NAXD: variants seen among roughly 807,000 people sequenced by gnomAD.
NAXD encodes NAD(P)HX dehydratase.
A neutral mutation model predicts 35.8 loss-of-function variants in NAXD; 22 were observed. The observed-to-expected ratio is 0.62, with a 90% confidence interval of 0.44 to 0.88. The LOEUF (loss-of-function observed/expected upper bound fraction) is 0.88. NAXD is among the 40% of genes least tolerant of loss of function. The pLI, the probability that NAXD is intolerant of heterozygous loss-of-function variation, is 0.00. For missense variants in NAXD, 428 were observed against 437.7 expected (o/e 0.98, Z 0.20); for synonymous variants, 189 against 177.6 (o/e 1.06, Z -0.51).
rs1330064956 is a variant in NAXD, at chr13:110,638,134, G to A, written c.840-244G>A. 10 of 1,134,484 alleles carry A rather than the reference G, an allele frequency of 8.8e-6. No individual in the cohort carries two copies. The highest frequency in any genetic ancestry group is 1.6e-5 in the African/African-American group (1 of 64,400). 70.3% of individuals were successfully genotyped at this position (1,134,484 alleles called of 1,614,324 possible). The stretch of plus-strand genomic sequence containing the variant: ...AACACCTGGCCCACTGTGTGCCCTA[G>A]CCCTGGACCTGTCTCCGAGTACATA... On this transcript the variant is annotated intron_variant, in intron 9 of 9. Transcript: ENST00000680254. The surrounding 1 kb of genome is among the most constrained non-coding windows in gnomAD (Gnocchi z 5.4).
intron 5 of NAXD, 42 bp downstream of exon 5, chr13:110,627,589 C>A: frequency 7.1e-7 from 1 of 1,399,972 alleles, no homozygotes; most frequent in Non-Finnish European, 1.0e-6. Context: ...ACAGGCTTAG[C>A]CTTAGGCGTG....
intron 1 of NAXD, 113 bp from the exon 2 acceptor site, chr13:110,622,103 A>G: frequency 1.2e-6 from 1 of 848,140 alleles, no homozygotes; most frequent in Non-Finnish European, 1.7e-6. Flanking sequence ...TCCATTGGGT[A>G]AAAATCTATA....
In NAXD at chr13:110,616,735, A is replaced by T. The variant is rs191047318; in HGVS notation, c.46+1088A>T. On this transcript the variant is annotated intron_variant, in intron 1 of 9. Transcript: ENST00000680254. ...TTTCTCATAAGGAGAGATTGCTGTT[A>T]TCCACCTTGGTATAGAAGATAAATA... Among the ~76,000 whole-genome samples, 13 of 152,342 alleles carry T rather than the reference A, an allele frequency of 8.5e-5. No individual in the cohort carries two copies. In the East Asian group the frequency reaches 2.1e-3, roughly 25 times the overall value.
chr13:110,633,758 GTT>G (rs11313823), intron 5 of NAXD, among the ~76,000 whole-genome samples: 13 of 147,986 alleles, frequency 8.8e-5, no homozygotes, highest in Admixed American at 2.7e-4. Flanking sequence ...TATACATGTA[GTT>G]TTTTTTTTTT....
chr13:110,637,710 G>C, intron 9 of NAXD: 2 of 457,936 alleles, frequency 4.4e-6, no homozygotes, highest in Non-Finnish European at 8.8e-6. Context: ...ATGAATGCAA[G>C]CAGTTCCCAT....
chr13:110,637,356 C>T, intron 9 of NAXD, 107 bp downstream of exon 9: 1 of 1,308,888 alleles, frequency 7.6e-7, no homozygotes, highest in South Asian at 1.2e-5. Flanking sequence ...TGACAATGAA[C>T]TCTAGGCTTC....
rs1158313538 is a variant in NAXD, at chr13:110,628,776, A to C, written c.441+1229A>C. Among the ~76,000 whole-genome samples the C allele has an allele frequency of 6.6e-6, 1 of 152,146 alleles. No individual in the cohort carries two copies. Among genetic ancestry groups the C allele is most frequent in the Non-Finnish European group, 1.5e-5 (1 of 68,012 alleles). Reference sequence around the variant, plus strand: ...GCTCTCAATGGGGAGTCCCATCTGCAGGCTGCGGGTCTGCGGTGCACGGCT... The same window carrying C: ...GCTCTCAATGGGGAGTCCCATCTGCCGGCTGCGGGTCTGCGGTGCACGGCT... On this transcript the variant is annotated intron_variant, in intron 5 of 9. Coordinates refer to ENST00000680254, the MANE Select transcript of NAXD (RefSeq NM_001242882.2). The surrounding 1 kb of genome is among the most constrained non-coding windows in gnomAD (Gnocchi z 4.1).
At chr13:110,617,378 GGATA>G (rs1886099132) in intron 1 of NAXD, among the ~76,000 whole-genome samples, 1 of 152,066 alleles carries the variant, frequency 6.6e-6, no homozygotes, top group Non-Finnish European at 1.5e-5. Flanking sequence ...TTACCGAATG[GGATA>G]CATCTTAAGT....
rs145338095 is a variant in NAXD at position 110,635,744 on chromosome 13, G to C, written c.718+156G>C. Among the ~76,000 whole-genome samples, 373 of 152,294 alleles carry C rather than the reference G, an allele frequency of 2.4e-3. 1 individual carries two copies. The highest frequency in any genetic ancestry group is 8.8e-3 in the African/African-American group (364 of 41,520). The stretch of plus-strand genomic sequence containing the variant: ...GAGCTCGTCAACCACACTTTCTTCA[G>C]AGTCCATGTTTTGACTTTTCACTGT... On this transcript the variant is annotated intron_variant, in intron 8 of 9. Transcript: ENST00000680254.
chr13:110,625,460 C>CGGAGGGGT (rs1261757483), intron 4 of NAXD, among the ~76,000 whole-genome samples, 182 bp downstream of exon 4: 1 of 152,088 alleles, frequency 6.6e-6, no homozygotes, highest in Non-Finnish European at 1.5e-5. Context: ...AAGACAGAGA[C>CGGAGGGGT]GGCGGGGTGG....
intron 1 of NAXD, among the ~76,000 whole-genome samples, chr13:110,621,414 G>A (rs961702410): frequency 6.6e-6 from 1 of 152,214 alleles, no homozygotes; most frequent in Non-Finnish European, 1.5e-5. Context: ...AGCATATGTT[G>A]TCCTGGTGGG....
chr13:110,633,224 G>T (rs1594181947), intron 5 of NAXD, among the ~76,000 whole-genome samples: 1 of 152,162 alleles, frequency 6.6e-6, no homozygotes, highest in Non-Finnish European at 1.5e-5. Context: ...GTGCCGGTGG[G>T]CTGGCACTGC....
chr13:110,624,466 A>T (rs1886384923), intron 3 of NAXD, among the ~76,000 whole-genome samples, 187 bp downstream of exon 3: 1 of 151,338 alleles, frequency 6.6e-6, no homozygotes, highest in African/African-American at 2.4e-5. Context: ...GTTGAAGCTC[A>T]TTTTTTTTTG....
intron 1 of NAXD, 134 bp from the exon 2 acceptor site, chr13:110,622,082 G>T: frequency 1.4e-6 from 1 of 728,418 alleles, no homozygotes; most frequent in Admixed American, 3.2e-5. Context: ...CATCATATTT[G>T]CTTACAGAAA....
At chr13:110,630,786 A>G (rs973933579) in intron 5 of NAXD, among the ~76,000 whole-genome samples, 4 of 152,122 alleles carry the variant, frequency 2.6e-5, no homozygotes, top group African/African-American at 9.7e-5. Context: ...TTTTCCTCCC[A>G]ACTTGTCATC....
chr13:110,634,361 ACCCTTATGC>A (rs1384689209), intron 5 of NAXD, among the ~76,000 whole-genome samples, 175 bp from the exon 6 acceptor site: 2 of 151,926 alleles, frequency 1.3e-5, no homozygotes, highest in Admixed American at 1.3e-4. Context: ...CAGGAGAGAG[ACCCTTATGC>A]CTCTTTTAAA....
chr13:110,621,938 G>A (rs868466957), intron 1 of NAXD, among the ~76,000 whole-genome samples: 11 of 151,876 alleles, frequency 7.2e-5, no homozygotes, highest in South Asian at 6.2e-4. Context: ...GCTGAGGCAG[G>A]AGAATTGCTT....
At chr13:110,623,944 A>G (rs566212189) in intron 2 of NAXD, among the ~76,000 whole-genome samples, 15 of 151,686 alleles carry the variant, frequency 9.9e-5, no homozygotes, top group African/African-American at 2.9e-4. Flanking sequence ...GGAGGTTGCA[A>G]TGAGCCAAGA....
intron 1 of NAXD, 60 bp from the exon 2 acceptor site, chr13:110,622,156 T>C (rs1886290709): frequency 7.0e-7 from 1 of 1,423,232 alleles, no homozygotes; most frequent in Non-Finnish European, 9.6e-7. Context: ...TAATGGGCTA[T>C]TATGTGTACT....
Sources: gnomAD v4.1 joint callset for allele counts (sites outside exome capture counted in the v4.1 genomes callset) on GRCh38, gnomAD v4.1.1 for gene constraint, Gnocchi (gnomAD v3.1) non-coding constraint, MANE v1.5 for transcripts, NCBI Gene and HGNC (gene_info 2026-07-23, HGNC 2026-07-21) for gene names.